PPP2R3B: variants seen among roughly 807,000 people sequenced by gnomAD.
PPP2R3B encodes the protein protein phosphatase 2 regulatory subunit B''beta.
Under a neutral mutation model 72.9 loss-of-function variants are expected in PPP2R3B, and 68 were observed. The observed-to-expected ratio is 0.93, with a 90% CI of 0.77 to 1.14. The LOEUF is 1.14. Ranked by LOEUF, PPP2R3B falls within the 50% of genes most tolerant of loss-of-function variation. The pLI is 0.00. For missense variants in PPP2R3B, 1,018 were observed against 842.0 expected (o/e 1.21, Z -2.59); for synonymous variants, 466 against 375.8 (o/e 1.24, Z -2.78).
intron 1 of PPP2R3B, among the ~76,000 whole-genome samples, chrX:385,257 A>T (rs2072220170): frequency 1.3e-5 from 2 of 150,860 alleles, no homozygotes; most frequent in South Asian, 4.2e-4. Context: ...ACACTTGGCC[A>T]ACCCACTCAG....
Position 334,387 on chromosome X carries a change from C to G in PPP2R3B, c.1708G>C (p.Glu570Gln). Residue 570 changes from glutamate (E) to glutamine (Q), a missense_variant, in exon 13 of 13, where the codon GAG becomes CAG. By Grantham distance (29) the Glu-to-Gln change is conservative. Coordinates refer to ENST00000390665, the MANE Select transcript of PPP2R3B (RefSeq NM_013239.5). ...VDLYEYACGD[E>Q]DLEPL The stretch of plus-strand genomic sequence containing the variant: ...CGGCGTCACAGCGGCTCCAGGTCCT[C>G]GTCCCCGCATGCGTACTCGTACAGG... The G allele has an allele frequency of 6.6e-7, 1 of 1,526,394 alleles. No individual in the cohort carries two copies. The highest frequency in any genetic ancestry group is 1.2e-5 in the South Asian group (1 of 81,876). 94.6% of individuals were successfully genotyped at this position (1,526,394 alleles called of 1,614,324 possible). A position where few individuals can be genotyped will look rare whatever the true frequency, so the allele number is the denominator to read the frequency against.
chrX:359,953 A>G (rs1240783603), intron 2 of PPP2R3B: 2 of 412,030 alleles, frequency 4.9e-6, no homozygotes, highest in East Asian at 7.7e-5. Context: ...TTATAAAACA[A>G]AACTTTTTAA....
At chrX:341,034 T>TC in intron 9 of PPP2R3B, 94 bp from the exon 10 acceptor site, 3 of 1,499,452 alleles carry the variant, frequency 2.0e-6, no homozygotes, top group Admixed American at 1.9e-5. Context: ...GGTGCACGCG[T>TC]CCCCGCTGTG....
intron 2 of PPP2R3B, among the ~76,000 whole-genome samples, chrX:355,876 G>A (rs1355139939): frequency 1.3e-5 from 2 of 152,256 alleles, no homozygotes; most frequent in Admixed American, 6.5e-5. Context: ...TCAAGCGCAA[G>A]GATGCAGGGA....
intron 2 of PPP2R3B, among the ~76,000 whole-genome samples, chrX:350,822 C>T (rs1236040305): frequency 6.6e-6 from 1 of 152,206 alleles, no homozygotes; most frequent in Non-Finnish European, 1.5e-5. Flanking sequence ...CGTGGCCCGG[C>T]CAGGACATCT....
At chrX:356,904 C>T (rs1157961114) in intron 2 of PPP2R3B, among the ~76,000 whole-genome samples, 34 of 131,970 alleles carry the variant, frequency 2.6e-4, no homozygotes, top group Middle Eastern at 3.6e-3. Flanking sequence ...CACAGCGAGC[C>T]CCACGGTAAC....
intron 1 of PPP2R3B, among the ~76,000 whole-genome samples, chrX:379,099 G>A (rs1253473924): frequency 6.6e-6 from 1 of 151,490 alleles, no homozygotes; most frequent in Non-Finnish European, 1.5e-5. Context: ...ACGTGTGTGT[G>A]TATGCACCTG....
At chrX:358,571 G>A (rs5987291) in intron 2 of PPP2R3B, among the ~76,000 whole-genome samples, 92,775 of 152,092 alleles carry the variant, frequency 0.61, 28,472 homozygotes, top group Admixed American at 0.64. Context: ...TCTCTGGGGC[G>A]TCGAAGACAA....
chrX:361,855 G>C (rs941065750), intron 1 of PPP2R3B, among the ~76,000 whole-genome samples: 4 of 152,192 alleles, frequency 2.6e-5, no homozygotes, highest in African/African-American at 4.8e-5. Flanking sequence ...ACACCGAGCA[G>C]GGCCCTGGGG....
intron 1 of PPP2R3B, among the ~76,000 whole-genome samples, chrX:379,331 A>G (rs1191053663): frequency 7.5e-6 from 1 of 133,992 alleles, no homozygotes; most frequent in African/African-American, 3.1e-5. Flanking sequence ...ATGCGTGTGT[A>G]TGCACCTGTT....
intron 1 of PPP2R3B, among the ~76,000 whole-genome samples, chrX:381,106 T>C (rs1259113649): frequency 6.6e-6 from 1 of 152,042 alleles, no homozygotes; most frequent in East Asian, 1.9e-4. Context: ...TTTACTATTT[T>C]ACAGAGATGG....
At chrX:338,388 G>T in intron 12 of PPP2R3B, 1 of 615,148 alleles carries the variant, frequency 1.6e-6, no homozygotes, top group Non-Finnish European at 2.9e-6. Flanking sequence ...GGGGAATGAC[G>T]GGCAGACTGC....
intron 2 of PPP2R3B, among the ~76,000 whole-genome samples, chrX:357,586 T>A (rs1296069425): frequency 6.6e-6 from 1 of 152,186 alleles, no homozygotes; most frequent in Non-Finnish European, 1.5e-5. Context: ...GCAGATACGA[T>A]CAAGATTTTG....
chrX:362,380 A>C (rs2071559856), intron 1 of PPP2R3B: 1 of 152,358 alleles, frequency 6.6e-6, no homozygotes, highest in African/African-American at 2.4e-5. Context: ...CTCCTCCATC[A>C]ACTGCCCAAG....
intron 2 of PPP2R3B, among the ~76,000 whole-genome samples, chrX:350,259 C>G (rs908071105): frequency 6.6e-6 from 1 of 152,166 alleles, no homozygotes; most frequent in East Asian, 1.9e-4. Flanking sequence ...GATCCCAGCC[C>G]GAAGGGTGAA....
chrX:370,939 C>T (rs1353731136), intron 1 of PPP2R3B, among the ~76,000 whole-genome samples: 5 of 152,126 alleles, frequency 3.3e-5, no homozygotes, highest in Non-Finnish European at 7.4e-5. Context: ...CGAAGGACCC[C>T]GTGGGGACGC....
At chrX:359,711 C>G (rs2071503401) in intron 2 of PPP2R3B, 2 of 385,460 alleles carry the variant, frequency 5.2e-6, no homozygotes, top group South Asian at 3.9e-5. Context: ...TGTACAACAG[C>G]ATGCTAATTT....
chrX:344,207 G>A (rs1427935724), intron 7 of PPP2R3B, among the ~76,000 whole-genome samples: 1 of 93,826 alleles, frequency 1.1e-5, no homozygotes, highest in Non-Finnish European at 2.5e-5. Flanking sequence ...CTCAGCAACG[G>A]GAGGCGGGAT....
Position 338,826 on chromosome X carries a change from G to C in PPP2R3B, c.1422C>G (p.Ile474Met), listed in dbSNP as rs763588338. Residue 474 changes from isoleucine to methionine, a missense_variant, in exon 11 of 13, where the codon ATC (isoleucine) becomes ATG (methionine). By Grantham distance (10) the Ile-to-Met change is conservative. Transcript: ENST00000390665. ...ANVFFDTFFN[I>M]EKYLDHEQKE... ...TCTGCTCGTGGTCGAGGTACTTCTC[G>C]ATGTTGAAGAAGGTGTCGAAGAAGA... The C allele has an allele frequency of 9.3e-6, 15 of 1,612,312 alleles. No homozygotes were observed. The African/African-American group carries it at 1.5e-4, about 16-fold the overall frequency.
Sources: allele counts gnomAD v4.1 joint callset (sites outside exome capture counted in the v4.1 genomes callset), GRCh38; gene constraint gnomAD v4.1.1; transcripts MANE v1.5; gene names NCBI Gene and HGNC (gene_info 2026-07-23, HGNC 2026-07-21).